Variants in GABRB1 observed in about 807,000 individuals in gnomAD.
GABRB1 encodes the protein gamma-aminobutyric acid receptor subunit beta-1.
Under a neutral mutation model 51.6 loss-of-function variants are expected in GABRB1, and 17 were observed. The ratio of observed to expected loss-of-function variants is 0.33; its 90% CI spans 0.23 to 0.49. GABRB1 has a LOEUF of 0.49. Ranked by LOEUF, GABRB1 falls within the 20% of genes least tolerant of loss-of-function variation. GABRB1 has a pLI of 0.99. For missense variants in GABRB1, 410 were observed against 600.6 expected (o/e 0.68, Z 3.32); for synonymous variants, 247 against 218.9 (o/e 1.13, Z -1.14).
At chr4:47,352,384 G>T (rs1020908114) in intron 5 of GABRB1, among the ~76,000 whole-genome samples, 3 of 152,194 alleles carry the variant, frequency 2.0e-5, no homozygotes, top group Admixed American at 6.5e-5. Context: ...CCAATCAATA[G>T]AAAAAGAGAG....
At chr4:47,066,423 A>G (rs1727085472) in intron 3 of GABRB1, among the ~76,000 whole-genome samples, 1 of 152,136 alleles carries the variant, frequency 6.6e-6, no homozygotes, top group Non-Finnish European at 1.5e-5. Flanking sequence ...ATAGCATGTG[A>G]TGTTGTTCTA....
intron 3 of GABRB1, among the ~76,000 whole-genome samples, chr4:47,155,564 C>T (rs1173737840): frequency 2.0e-5 from 3 of 151,834 alleles, no homozygotes; most frequent in Non-Finnish European, 2.9e-5. Flanking sequence ...TAGTCTGAGA[C>T]GTGCAGACTA....
At chr4:47,021,380 G>A (rs577466379) in intron 1 of GABRB1, among the ~76,000 whole-genome samples, 199 of 152,174 alleles carry the variant, frequency 1.3e-3, no homozygotes, top group African/African-American at 4.6e-3. Flanking sequence ...TTTATTATAA[G>A]AATGTATGTG....
At chr4:47,152,703 G>C (rs1212921606) in intron 3 of GABRB1, among the ~76,000 whole-genome samples, 2 of 151,874 alleles carry the variant, frequency 1.3e-5, no homozygotes. Context: ...AGATGAATTA[G>C]CCATCTTCAG....
chr4:47,202,058 C>T (rs536158477), intron 4 of GABRB1, among the ~76,000 whole-genome samples: 3 of 152,224 alleles, frequency 2.0e-5, no homozygotes, highest in African/African-American at 7.2e-5. Flanking sequence ...TGTGGTTAGG[C>T]CTTGTGTCCC....
At chr4:47,108,393 T>G (rs1282439720) in intron 3 of GABRB1, among the ~76,000 whole-genome samples, 1 of 152,072 alleles carries the variant, frequency 6.6e-6, no homozygotes. Flanking sequence ...TGTGCTGAAA[T>G]AGTTTGAAGG....
intron 3 of GABRB1, among the ~76,000 whole-genome samples, chr4:47,129,748 C>T (rs568049999): frequency 2.8e-4 from 42 of 152,006 alleles, no homozygotes; most frequent in South Asian, 1.0e-3. Context: ...TTGGTTGGGC[C>T]GAGTGGAAAG....
intron 4 of GABRB1, among the ~76,000 whole-genome samples, chr4:47,282,279 T>C (rs1486865197): frequency 1.3e-5 from 2 of 152,176 alleles, no homozygotes; most frequent in Non-Finnish European, 2.9e-5. Flanking sequence ...TTATAAATTC[T>C]CTCACAGCCC....
At chr4:47,304,051 C>T (rs1724359316) in intron 4 of GABRB1, among the ~76,000 whole-genome samples, 1 of 152,080 alleles carries the variant, frequency 6.6e-6, no homozygotes, top group African/African-American at 2.4e-5. Context: ...CTTTCTTTAT[C>T]CATTCAACTG....
intron 8 of GABRB1, among the ~76,000 whole-genome samples, chr4:47,424,689 G>A (rs1729209676): frequency 6.6e-6 from 1 of 152,152 alleles, no homozygotes; most frequent in African/African-American, 2.4e-5. Flanking sequence ...CCCTGTACTG[G>A]CCCTGGAAGT....
At chr4:47,405,668 C>T (rs1356600810) in intron 7 of GABRB1, among the ~76,000 whole-genome samples, 1 of 152,096 alleles carries the variant, frequency 6.6e-6, no homozygotes, top group Non-Finnish European at 1.5e-5. Context: ...CATTTTCAGG[C>T]TGTTATGACA....
chr4:47,125,176 T>C (rs1160939521), intron 3 of GABRB1, among the ~76,000 whole-genome samples: 1 of 152,110 alleles, frequency 6.6e-6, no homozygotes, highest in Non-Finnish European at 1.5e-5. Context: ...GAATGATATA[T>C]ACAAAGTTTT....
At chr4:47,131,582 TAATATCATTGTCTCTTTCTGC>T (rs1267150033) in intron 3 of GABRB1, among the ~76,000 whole-genome samples, 1 of 152,232 alleles carries the variant, frequency 6.6e-6, no homozygotes, top group Non-Finnish European at 1.5e-5. Context: ...TGCACCTACT[TAATATCATTGTCTCTTTCTGC>T]AATGCTAGGG....
chr4:47,326,565 G>A (rs775571203), intron 5 of GABRB1, among the ~76,000 whole-genome samples: 2 of 152,072 alleles, frequency 1.3e-5, no homozygotes, highest in Non-Finnish European at 2.9e-5. Flanking sequence ...GGTACTATTT[G>A]CAATTTCATA....
At chr4:47,272,787 G>T (rs1220117540) in intron 4 of GABRB1, among the ~76,000 whole-genome samples, 1 of 152,054 alleles carries the variant, frequency 6.6e-6, no homozygotes, top group Non-Finnish European at 1.5e-5. Flanking sequence ...TGAACAAGTA[G>T]GTTGTTTCCA....
Position 47,239,656 on chromosome 4 carries a change from G to A in GABRB1, c.461+78187G>A, listed in dbSNP as rs553160884. Among the ~76,000 whole-genome samples the A allele has an allele frequency of 2.0e-5, 3 of 152,252 alleles. No homozygotes were observed. The South Asian group carries it at 6.2e-4, about 32-fold the overall frequency. Reference sequence around the variant, plus strand: ...TAACTTCAAATTTTCAGTGTTAATGGCTTTTAAGTATTTAGATTAAACAAA... The same window carrying A: ...TAACTTCAAATTTTCAGTGTTAATGACTTTTAAGTATTTAGATTAAACAAA... On this transcript the variant is annotated intron_variant, in intron 4 of 8. Transcript: ENST00000295454.
chr4:47,040,034 C>G (rs1016965948), intron 3 of GABRB1, among the ~76,000 whole-genome samples: 2 of 152,086 alleles, frequency 1.3e-5, no homozygotes, highest in African/African-American at 2.4e-5. Context: ...AAGTGCACTG[C>G]AGAGGAATAT....
At chr4:47,004,996 C>T (rs1301685959) in intron 1 of GABRB1, among the ~76,000 whole-genome samples, 1 of 152,172 alleles carries the variant, frequency 6.6e-6, no homozygotes, top group Non-Finnish European at 1.5e-5. Context: ...CAGGCAGATG[C>T]AATCACCTAG....
chr4:47,413,043 C>G (rs147119432), intron 8 of GABRB1, among the ~76,000 whole-genome samples: 1,795 of 152,314 alleles, frequency 0.012, 41 homozygotes, highest in African/African-American at 0.041. Context: ...TTGAACATAC[C>G]TGGCTTCCAG....
Sources: gnomAD v4.1 joint callset for allele counts (sites outside exome capture counted in the v4.1 genomes callset) on GRCh38, gnomAD v4.1.1 for gene constraint, MANE v1.5 for transcripts, NCBI Gene and HGNC (gene_info 2026-07-23, HGNC 2026-07-21) for gene names.